Variants in CDH13 observed in about 807,000 individuals in gnomAD.
CDH13 encodes the protein cadherin-13.
Under a neutral mutation model 63.8 loss-of-function variants are expected in CDH13, and 24 were observed. The ratio of observed to expected loss-of-function variants is 0.38; its 90% CI spans 0.27 to 0.53. CDH13 has a LOEUF of 0.53. CDH13 is among the 20% of genes least tolerant of loss of function. The pLI is 0.85. For synonymous variants in CDH13, 503 were observed against 355.3 expected (o/e 1.42, Z -4.67); for missense variants, 1,049 against 903.1 (o/e 1.16, Z -2.07).
At position 83,799,191 on chromosome 16, in the gene CDH13, A is replaced by C. The variant is rs1178137968; in HGVS notation, c.*4161A>C. 1 of 151,744 alleles carries C rather than the reference A, an allele frequency of 6.6e-6. No individual in the cohort carries two copies. Among genetic ancestry groups the C allele is most frequent in the Non-Finnish European group, 1.5e-5 (1 of 67,984 alleles). The allele number at this position is 151,744 out of a possible 1,614,324, so 9.4% of individuals were successfully genotyped here. ...AGCTGGGTGTGGTGGTGCACACCTGAAACCCCAGCTACTCAGGAGGCTGAG... is the reference window on the plus strand; with the variant it reads ...AGCTGGGTGTGGTGGTGCACACCTGCAACCCCAGCTACTCAGGAGGCTGAG... On this transcript the variant is annotated 3_prime_UTR_variant, in exon 14 of 14. Transcript: ENST00000567109.
chr16:83,517,090 G>A (rs922290745), intron 7 of CDH13, among the ~76,000 whole-genome samples: 1 of 152,192 alleles, frequency 6.6e-6, no homozygotes, highest in Non-Finnish European at 1.5e-5. Flanking sequence ...GAAATATGAA[G>A]TGAATTCCTG....
chr16:83,062,949 T>C (rs1261355861), intron 3 of CDH13, among the ~76,000 whole-genome samples: 1 of 148,340 alleles, frequency 6.7e-6, no homozygotes, highest in Non-Finnish European at 1.5e-5. Flanking sequence ...AGATGTCTTA[T>C]GTGGTGGTTG....
intron 7 of CDH13, among the ~76,000 whole-genome samples, chr16:83,591,799 C>T (rs1056055200): frequency 6.6e-6 from 1 of 152,230 alleles, no homozygotes; most frequent in Non-Finnish European, 1.5e-5. Context: ...CAAGCCGTGG[C>T]TTCCTTGAAG....
chr16:83,224,611 C>A (rs543566566), intron 5 of CDH13, among the ~76,000 whole-genome samples: 1 of 152,208 alleles, frequency 6.6e-6, no homozygotes, highest in Non-Finnish European at 1.5e-5. Flanking sequence ...GCCAGACCTA[C>A]GGAGGGAAGA....
Position 82,731,015 on chromosome 16 carries a change from T to C in CDH13, c.45+103878T>C, listed in dbSNP as rs2033373202. 2.6e-5 allele frequency among the ~76,000 whole-genome samples: 4 copies of C among 152,214 alleles called. No individual in the cohort carries two copies. The South Asian group carries it at 8.3e-4, about 32-fold the overall frequency. On this transcript the variant is annotated intron_variant, in intron 1 of 13. Coordinates refer to ENST00000567109, the MANE Select transcript of CDH13 (RefSeq NM_001257.5). Reference sequence around the variant, plus strand: ...CTTATTTAGTCCTATTATTTATGTATGGTGAAATCTATATAATGGGGAACA... The same window carrying C: ...CTTATTTAGTCCTATTATTTATGTACGGTGAAATCTATATAATGGGGAACA...
intron 4 of CDH13, among the ~76,000 whole-genome samples, chr16:83,190,033 CTG>C (rs1319667874): frequency 6.6e-6 from 1 of 152,188 alleles, no homozygotes; most frequent in Admixed American, 6.5e-5. Context: ...CCATGTGGAA[CTG>C]TGAGTCAATT....
At chr16:82,787,506 TGGG>T (rs1438069973) in intron 1 of CDH13, among the ~76,000 whole-genome samples, 1 of 152,120 alleles carries the variant, frequency 6.6e-6, no homozygotes, top group Admixed American at 6.5e-5. Flanking sequence ...AATGCTGCAT[TGGG>T]GGGCTTTAAT....
rs574480628 is a variant in CDH13, at chr16:82,775,332, C to T, written c.46-83030C>T. Among the ~76,000 whole-genome samples the T allele has an allele frequency of 2.6e-5, 4 of 152,274 alleles. No homozygotes were observed. In the South Asian group the frequency reaches 8.3e-4, roughly 32 times the overall value. On this transcript the variant is annotated intron_variant, in intron 1 of 13. Coordinates refer to ENST00000567109, the MANE Select transcript of CDH13 (RefSeq NM_001257.5). Reference sequence around the variant, plus strand: ...TAAAGTAACCATTGTTTTGAATAGTCACGTGTGGATATCAAGTCCAGTTAT... The same window carrying T: ...TAAAGTAACCATTGTTTTGAATAGTTACGTGTGGATATCAAGTCCAGTTAT...
chr16:83,078,403 C>G (rs1340220707), intron 3 of CDH13, among the ~76,000 whole-genome samples: 2 of 152,174 alleles, frequency 1.3e-5, no homozygotes, highest in African/African-American at 2.4e-5. Context: ...TTGTTAGATT[C>G]TCATAAGGAA....
chr16:83,775,375 T>A (rs1239232896), intron 11 of CDH13, among the ~76,000 whole-genome samples: 5 of 151,890 alleles, frequency 3.3e-5, no homozygotes, highest in African/African-American at 7.2e-5. Context: ...CCCAACCACG[T>A]TGAAGACCTG....
intron 6 of CDH13, among the ~76,000 whole-genome samples, chr16:83,365,212 T>TGA (rs2091235450): frequency 6.6e-6 from 1 of 152,178 alleles, no homozygotes; most frequent in Non-Finnish European, 1.5e-5. Flanking sequence ...ATGGTATCAT[T>TGA]TCCAGTCTAA....
intron 6 of CDH13, among the ~76,000 whole-genome samples, chr16:83,404,691 CG>C (rs1324716700): frequency 6.6e-6 from 1 of 152,190 alleles, no homozygotes; most frequent in Non-Finnish European, 1.5e-5. Flanking sequence ...AAATCTTCCT[CG>C]GTACCCTTCC....
intron 2 of CDH13, among the ~76,000 whole-genome samples, chr16:83,000,390 A>G (rs1317936841): frequency 6.7e-6 from 1 of 149,726 alleles, no homozygotes; most frequent in African/African-American, 2.5e-5. Context: ...CTGGGATTAC[A>G]GGCGCCCGCC....
At chr16:83,730,951 A>G (rs28656316) in intron 10 of CDH13, among the ~76,000 whole-genome samples, 28,087 of 152,078 alleles carry the variant, frequency 0.18, 2,623 homozygotes, top group Middle Eastern at 0.22. Flanking sequence ...CGCTTAGGTT[A>G]ATGGCCTCCA....
intron 1 of CDH13, among the ~76,000 whole-genome samples, chr16:82,821,361 A>C (rs1324066270): frequency 1.3e-5 from 2 of 152,224 alleles, no homozygotes; most frequent in Non-Finnish European, 2.9e-5. Flanking sequence ...AATTTATACT[A>C]ATGAGACGAT....
At chr16:83,312,388 C>G (rs2090020086) in intron 5 of CDH13, among the ~76,000 whole-genome samples, 1 of 152,196 alleles carries the variant, frequency 6.6e-6, no homozygotes, top group African/African-American at 2.4e-5. Context: ...ACAGCTGGGT[C>G]TCAGAAAGGA....
chr16:82,943,874 A>T (rs1252061932), intron 2 of CDH13, among the ~76,000 whole-genome samples: 1 of 152,158 alleles, frequency 6.6e-6, no homozygotes, highest in Non-Finnish European at 1.5e-5. Flanking sequence ...CATTGAGGTA[A>T]CTTCACATTT....
intron 1 of CDH13, among the ~76,000 whole-genome samples, chr16:82,690,494 C>A (rs1387044773): frequency 1.3e-5 from 2 of 152,072 alleles, no homozygotes; most frequent in Non-Finnish European, 2.9e-5. Context: ...AGAGGAAGCA[C>A]ACAAGTTTGT....
chr16:83,294,767 G>A (rs1396677956), intron 5 of CDH13, among the ~76,000 whole-genome samples: 1 of 151,934 alleles, frequency 6.6e-6, no homozygotes, highest in Non-Finnish European at 1.5e-5. Flanking sequence ...CCATGTTCGT[G>A]GATTGCCGGA....
Sources: gnomAD v4.1 joint callset for allele counts (sites outside exome capture counted in the v4.1 genomes callset) on GRCh38, gnomAD v4.1.1 for gene constraint, MANE v1.5 for transcripts, NCBI Gene and HGNC (gene_info 2026-07-23, HGNC 2026-07-21) for gene names.